Variants in CHRM3 observed in about 807,000 individuals in gnomAD.
CHRM3 encodes cholinergic receptor muscarinic 3, also known as muscarinic acetylcholine receptor M3.
A neutral mutation model predicts 41.8 loss-of-function variants in CHRM3; 11 were observed. The ratio of observed to expected loss-of-function variants is 0.26; its 90% CI spans 0.17 to 0.44. CHRM3 has a LOEUF of 0.44. Among genes scored for constraint, CHRM3 ranks in the 20% least tolerant of loss-of-function variants. The pLI is 1.00. For synonymous variants in CHRM3, 297 were observed against 301.4 expected, an observed-to-expected ratio of 0.99 and a Z score of 0.15; for missense variants, 571 against 745.4, an observed-to-expected ratio of 0.77 and a Z score of 2.72.
At chr1:239,781,406 T>C (rs1287710899) in intron 5 of CHRM3, among the ~76,000 whole-genome samples, 2 of 152,216 alleles carry the variant, frequency 1.3e-5, no homozygotes, top group African/African-American at 4.8e-5. Context: ...TGTTCATTGC[T>C]AGTACAGGAA....
chr1:239,898,312 G>T (rs1679183222), intron 6 of CHRM3: 1 of 152,246 alleles, frequency 6.6e-6, no homozygotes, highest in Admixed American at 6.5e-5. Context: ...GTCGTTCTCC[G>T]AGTCTGCTTT....
chr1:239,793,879 C>A (rs1669548558), intron 5 of CHRM3, among the ~76,000 whole-genome samples: 1 of 123,498 alleles, frequency 8.1e-6, no homozygotes, highest in South Asian at 2.7e-4. Flanking sequence ...ATGGTGCGAT[C>A]TCGGCTCACT....
chr1:239,395,000 T>G (rs1441838507), intron 1 of CHRM3, among the ~76,000 whole-genome samples: 1 of 152,202 alleles, frequency 6.6e-6, no homozygotes, highest in Non-Finnish European at 1.5e-5. Flanking sequence ...TAGCAATGAC[T>G]TCTCCAAAAG....
At chr1:239,718,881 C>G (rs935748044) in intron 5 of CHRM3, 3 of 151,928 alleles carry the variant, frequency 2.0e-5, no homozygotes, top group East Asian at 1.9e-4. Flanking sequence ...TGGTAACTAA[C>G]AGTACATCTT....
chr1:239,403,708 C>T (rs957839631), intron 1 of CHRM3, among the ~76,000 whole-genome samples: 6 of 151,910 alleles, frequency 3.9e-5, no homozygotes, highest in Non-Finnish European at 5.9e-5. Context: ...TTTGTAACCA[C>T]TTGGAAAGCT....
At chr1:239,393,626 T>C (rs1659234019) in intron 1 of CHRM3, among the ~76,000 whole-genome samples, 1 of 152,246 alleles carries the variant, frequency 6.6e-6, no homozygotes, top group Admixed American at 6.5e-5. Flanking sequence ...CAGCTTTCCT[T>C]GAGCGCAGCT....
intron 3 of CHRM3, among the ~76,000 whole-genome samples, chr1:239,622,014 A>C (rs2148817827): frequency 6.6e-6 from 1 of 152,178 alleles, no homozygotes; most frequent in Middle Eastern, 3.4e-3. Context: ...TTCATTTATT[A>C]TTTCAAAAAT....
In CHRM3 at chr1:239,914,227, T is replaced by C. The variant is rs1409465019; in HGVS notation, c.*5003T>C. 1 of 167,106 alleles carries C rather than the reference T, an allele frequency of 6.0e-6. No homozygotes were observed. The highest frequency in any genetic ancestry group is 1.5e-5 in the Non-Finnish European group (1 of 68,116). The allele number at this position is 167,106 out of a possible 1,614,324, so 10.4% of individuals were successfully genotyped here. A position where few individuals can be genotyped will look rare whatever the true frequency, so the allele number is the denominator to read the frequency against. On this transcript the variant is annotated 3_prime_UTR_variant, in exon 7 of 7. Coordinates refer to ENST00000676153, the MANE Select transcript of CHRM3 (RefSeq NM_001375978.1). ...ACAAAACTCAAAACTCTTTTTATCC[T>C]GTATTCTGTGAGTTCCTTGATGATA...
At chr1:239,406,184 C>T (rs560687199) in intron 1 of CHRM3, among the ~76,000 whole-genome samples, 1 of 152,324 alleles carries the variant, frequency 6.6e-6, no homozygotes, top group African/African-American at 2.4e-5. Context: ...GCCACCGTGC[C>T]TGGCTGAAGT....
At chr1:239,711,872 A>C (rs561191646) in intron 5 of CHRM3, among the ~76,000 whole-genome samples, 2 of 152,046 alleles carry the variant, frequency 1.3e-5, no homozygotes, top group African/African-American at 4.8e-5. Context: ...GACAAACAAT[A>C]AAATGTAGAG....
chr1:239,397,687 T>TTA (rs35998550), intron 1 of CHRM3, among the ~76,000 whole-genome samples: 71 of 144,406 alleles, frequency 4.9e-4, no homozygotes, highest in African/African-American at 1.5e-3. Flanking sequence ...ATACATGTAT[T>TTA]TATATATATA....
chr1:239,441,836 C>G (rs1306774369), intron 1 of CHRM3, among the ~76,000 whole-genome samples: 2 of 152,174 alleles, frequency 1.3e-5, no homozygotes, highest in East Asian at 3.9e-4. Context: ...TGTAAGAATC[C>G]ATACACTTCT....
chr1:239,911,245 T>A lies in CHRM3; in HGVS notation c.*2021T>A, dbSNP rs1176752333. 21 of 164,700 alleles carry A rather than the reference T, an allele frequency of 1.3e-4. No homozygotes were observed. The highest frequency in any genetic ancestry group is 5.9e-5 in the Non-Finnish European group (4 of 68,088). 10.2% of individuals were successfully genotyped at this position (164,700 alleles called of 1,614,324 possible). On this transcript the variant is annotated 3_prime_UTR_variant, in exon 7 of 7. Transcript: ENST00000676153. ...CTCCACCATTGTGTCTGAAATCATT[T>A]TACACAGGGAAAAAAAAAAACAATC...
At chr1:239,621,540 A>G (rs912395168) in intron 3 of CHRM3, among the ~76,000 whole-genome samples, 1 of 152,234 alleles carries the variant, frequency 6.6e-6, no homozygotes, top group African/African-American at 2.4e-5. Context: ...TACTCCAGTG[A>G]ACACACAAAT....
rs948057127 is a variant in CHRM3 at position 239,913,581 on chromosome 1, G to C, written c.*4357G>C. On this transcript the variant is annotated 3_prime_UTR_variant, in exon 7 of 7. Coordinates refer to ENST00000676153, the MANE Select transcript of CHRM3 (RefSeq NM_001375978.1). ...CATTAATGTGTGAGTCAACATTGCAGACCTGAGAAAGGTTTCTAGAATGGT... is the reference window on the plus strand; with the variant it reads ...CATTAATGTGTGAGTCAACATTGCACACCTGAGAAAGGTTTCTAGAATGGT... 1 of 167,012 alleles carries C rather than the reference G, an allele frequency of 6.0e-6. No individual in the cohort carries two copies. The highest frequency in any genetic ancestry group is 2.4e-5 in the African/African-American group (1 of 41,460). 10.3% of individuals were successfully genotyped at this position (167,012 alleles called of 1,614,324 possible). A position where few individuals can be genotyped will look rare whatever the true frequency, so the allele number is the denominator to read the frequency against.
chr1:239,606,641 C>T (rs1666327989), intron 3 of CHRM3, among the ~76,000 whole-genome samples: 1 of 152,050 alleles, frequency 6.6e-6, no homozygotes, highest in African/African-American at 2.4e-5. Flanking sequence ...CTGTGTTGCC[C>T]CAATAATTTT....
At chr1:239,790,535 A>G (rs1319449517) in intron 5 of CHRM3, among the ~76,000 whole-genome samples, 3 of 152,214 alleles carry the variant, frequency 2.0e-5, no homozygotes, top group Non-Finnish European at 2.9e-5. Flanking sequence ...ACCTTCCACC[A>G]TGATTGTGAG....
intron 4 of CHRM3, among the ~76,000 whole-genome samples, chr1:239,647,694 A>G (rs1322781642): frequency 1.3e-5 from 2 of 152,160 alleles, no homozygotes; most frequent in Non-Finnish European, 2.9e-5. Context: ...CTATACTTCC[A>G]AAACCAGAAT....
intron 4 of CHRM3, among the ~76,000 whole-genome samples, chr1:239,653,244 ATCT>A (rs1672402889): frequency 6.6e-6 from 1 of 152,134 alleles, no homozygotes; most frequent in African/African-American, 2.4e-5. Context: ...TAGGAAACAG[ATCT>A]TCTTTCGGGA....
Sources: allele counts gnomAD v4.1 joint callset (sites outside exome capture counted in the v4.1 genomes callset), GRCh38; gene constraint gnomAD v4.1.1; transcripts MANE v1.5; gene names NCBI Gene and HGNC (gene_info 2026-07-23, HGNC 2026-07-21).